Variants in CYP2J2 observed in about 807,000 individuals in gnomAD.
CYP2J2 encodes the protein cytochrome P450 2J2.
CYP2J2 carries 41 observed loss-of-function variants against 48.8 expected under a neutral mutation model. The ratio of observed to expected loss-of-function variants is 0.84; its 90% confidence interval spans 0.66 to 1.09. CYP2J2 has a LOEUF of 1.09. Ranked by LOEUF, CYP2J2 falls within the 50% of genes least tolerant of loss-of-function variation. The pLI, the probability that CYP2J2 is intolerant of heterozygous loss-of-function variation, is 0.00. For synonymous variants in CYP2J2, 221 were observed against 227.1 expected, an observed-to-expected ratio of 0.97 and a Z score of 0.24; for missense variants, 644 against 617.3, an observed-to-expected ratio of 1.04 and a Z score of -0.46.
At chr1:59,963,003 A>C in the CYP2J2 span, among the ~76,000 whole-genome samples, 1 of 152,218 alleles carries the variant, frequency 6.6e-6, no homozygotes, top group African/African-American at 2.4e-5. Flanking sequence ...ATGTATTATA[A>C]AAGTATTATG....
chr1:59,951,019 G>C, the CYP2J2 span, among the ~76,000 whole-genome samples: 1 of 152,198 alleles, frequency 6.6e-6, no homozygotes, highest in Admixed American at 6.5e-5. Flanking sequence ...AAATGGAAGG[G>C]AGGGGAGCTA....
the CYP2J2 span, among the ~76,000 whole-genome samples, chr1:59,962,758 C>T: frequency 6.6e-6 from 1 of 152,136 alleles, no homozygotes; most frequent in Admixed American, 6.6e-5. Flanking sequence ...TCTGGGTATC[C>T]TTGAGATTAA....
the CYP2J2 span, among the ~76,000 whole-genome samples, chr1:59,959,934 A>T: frequency 6.6e-6 from 1 of 152,116 alleles, no homozygotes; most frequent in Admixed American, 6.5e-5. Flanking sequence ...AAGACTACAC[A>T]CTGGGTACAG....
At chr1:59,966,385 TGG>T in the CYP2J2 span, among the ~76,000 whole-genome samples, 12 of 152,346 alleles carry the variant, frequency 7.9e-5, no homozygotes, top group African/African-American at 2.2e-4. Context: ...AAGTTTTTTA[TGG>T]GATTGTCAAG....
chr1:59,942,945 CTAAAGG>C, the CYP2J2 span, among the ~76,000 whole-genome samples: 533 of 152,108 alleles, frequency 3.5e-3, 2 homozygotes, highest in African/African-American at 0.012. Context: ...AATGAAGAAA[CTAAAGG>C]TAAAGTATCT....
intron 8 of CYP2J2, among the ~76,000 whole-genome samples, chr1:59,895,816 C>T (rs183267585): frequency 9.9e-5 from 15 of 152,258 alleles, no homozygotes; most frequent in Admixed American, 8.5e-4. Context: ...GCTACCAAAT[C>T]GCGATTTTTA....
At chr1:59,949,851 C>T in the CYP2J2 span, among the ~76,000 whole-genome samples, 15 of 151,888 alleles carry the variant, frequency 9.9e-5, no homozygotes, top group Admixed American at 1.3e-4. Context: ...TTCTGCTCCA[C>T]CCTCTCAGTA....
the CYP2J2 span, among the ~76,000 whole-genome samples, chr1:59,954,183 G>A: frequency 3.3e-5 from 5 of 152,104 alleles, no homozygotes; most frequent in South Asian, 6.2e-4. Context: ...CTGCAATTAC[G>A]CAGCTCATCT....
intron 1 of CYP2J2, among the ~76,000 whole-genome samples, chr1:59,922,083 G>A: frequency 6.6e-6 from 1 of 152,174 alleles, no homozygotes. Context: ...CCTGGACCCA[G>A]CTTTCACTAT....
the CYP2J2 span, among the ~76,000 whole-genome samples, chr1:59,935,015 C>CATATATATATATATATATACAT: frequency 1.1e-4 from 5 of 47,492 alleles, no homozygotes; most frequent in African/African-American, 1.4e-4. Flanking sequence ...TATATATATA[C>CATATATATATATATATATACAT]ATATATATAT....
the CYP2J2 span, among the ~76,000 whole-genome samples, chr1:59,960,520 A>AG: frequency 1.3e-5 from 2 of 152,232 alleles, no homozygotes; most frequent in African/African-American, 4.8e-5. Context: ...CAGAGACTAG[A>AG]GCAAGACTGG....
At chr1:59,959,485 G>C in the CYP2J2 span, among the ~76,000 whole-genome samples, 1 of 151,880 alleles carries the variant, frequency 6.6e-6, no homozygotes, top group Non-Finnish European at 1.5e-5. Flanking sequence ...CACAATTCAC[G>C]ATTGCAAAAA....
the CYP2J2 span, among the ~76,000 whole-genome samples, chr1:59,965,262 AT>A: frequency 1.3e-5 from 2 of 152,182 alleles, no homozygotes; most frequent in African/African-American, 4.8e-5. Context: ...GATGCCTGCA[AT>A]TGACAGGAGA....
intron 1 of CYP2J2, among the ~76,000 whole-genome samples, chr1:59,921,521 A>G (rs1021635080): frequency 5.9e-5 from 9 of 152,020 alleles, no homozygotes; most frequent in African/African-American, 2.2e-4. Context: ...GAGCCTATAA[A>G]TGGACCCATG....
intron 1 of CYP2J2, among the ~76,000 whole-genome samples, chr1:59,917,417 T>C (rs1644475806): frequency 6.6e-6 from 1 of 152,214 alleles, no homozygotes; most frequent in Non-Finnish European, 1.5e-5. Flanking sequence ...ACAGTAGTAA[T>C]AGTTCTTATC....
the CYP2J2 span, among the ~76,000 whole-genome samples, chr1:59,967,937 C>A: frequency 6.6e-6 from 1 of 152,190 alleles, no homozygotes; most frequent in Non-Finnish European, 1.5e-5. Context: ...GTCTACCAAC[C>A]TGGCCAGGTG....
chr1:59,941,530 T>C, the CYP2J2 span, among the ~76,000 whole-genome samples: 1 of 152,186 alleles, frequency 6.6e-6, no homozygotes, highest in Non-Finnish European at 1.5e-5. Flanking sequence ...TCCTTCCACT[T>C]ATTGAAAAAA....
At chr1:59,907,757 G>T (rs750175147) in intron 6 of CYP2J2, 29 bp downstream of exon 6, 1 of 1,613,254 alleles carries the variant, frequency 6.2e-7, no homozygotes, top group Non-Finnish European at 8.5e-7. Flanking sequence ...ATTCTGTCCT[G>T]GTTCAGGCTT....
chr1:59,925,566 A>T (rs1644556423), intron 1 of CYP2J2, among the ~76,000 whole-genome samples: 1 of 152,220 alleles, frequency 6.6e-6, no homozygotes, highest in African/African-American at 2.4e-5. Flanking sequence ...TAAACAACAT[A>T]TTAATTAAAT....
Sources: allele counts gnomAD v4.1 joint callset (sites outside exome capture counted in the v4.1 genomes callset), GRCh38; gene constraint gnomAD v4.1.1; transcripts MANE v1.5; gene names NCBI Gene and HGNC (gene_info 2026-07-23, HGNC 2026-07-21).